Variants in TTC28 observed in about 807,000 individuals in gnomAD.
TTC28 encodes tetratricopeptide repeat protein 28.
Under a neutral mutation model 198.0 loss-of-function variants are expected in TTC28, and 61 were observed. The ratio of observed to expected loss-of-function variants is 0.31; its 90% confidence interval spans 0.25 to 0.38. The LOEUF is 0.38. Ranked by LOEUF, TTC28 falls within the 10% of genes least tolerant of loss-of-function variation. The pLI, the probability that TTC28 is intolerant of heterozygous loss-of-function variation, is 1.00. For synonymous variants in TTC28, 1,171 were observed against 1,297.8 expected (o/e 0.90, Z 2.10); for missense variants, 2,678 against 3,164.0 (o/e 0.85, Z 3.69).
chr22:28,243,174 CAAAAAAAAAAAAAAAA>C (rs754700795), intron 5 of TTC28, among the ~76,000 whole-genome samples: 2,018 of 68,328 alleles, frequency 0.03, 80 homozygotes, highest in African/African-American at 0.082. Context: ...CCCCTCTCTA[CAAAAAAAAAAAAAAAA>C]AAAAAAAAAA....
intron 12 of TTC28, among the ~76,000 whole-genome samples, chr22:28,077,012 C>T (rs1393642470): frequency 6.6e-6 from 1 of 152,146 alleles, no homozygotes; most frequent in East Asian, 1.9e-4. Flanking sequence ...TGTCATCCTG[C>T]AGGTAATGTT....
intron 2 of TTC28, among the ~76,000 whole-genome samples, chr22:28,424,463 T>C (rs1482822599): frequency 6.6e-6 from 1 of 152,206 alleles, no homozygotes; most frequent in Non-Finnish European, 1.5e-5. Flanking sequence ...GTATTATAAT[T>C]AAATATTAAT....
At chr22:28,263,192 A>T (rs1354618481) in intron 5 of TTC28, among the ~76,000 whole-genome samples, 2 of 152,184 alleles carry the variant, frequency 1.3e-5, no homozygotes, top group Non-Finnish European at 2.9e-5. Context: ...AATGACTAGC[A>T]TCTATTACAT....
chr22:28,574,433 C>A (rs1032144863), intron 2 of TTC28, among the ~76,000 whole-genome samples: 1 of 152,152 alleles, frequency 6.6e-6, no homozygotes, highest in Admixed American at 6.6e-5. Context: ...TGTTGATGAA[C>A]ATTTAGGTTG....
intron 12 of TTC28, among the ~76,000 whole-genome samples, chr22:28,074,752 C>CCT (rs1555911422): frequency 1.3e-5 from 2 of 152,166 alleles, no homozygotes; most frequent in African/African-American, 4.8e-5. Context: ...ATTATCCCCC[C>CCT]CCATGTACAA....
intron 5 of TTC28, among the ~76,000 whole-genome samples, chr22:28,200,161 G>T (rs113264025): frequency 4.6e-5 from 7 of 152,152 alleles, no homozygotes; most frequent in African/African-American, 1.2e-4. Context: ...TGATCATAGC[G>T]TACTACAGAC....
chr22:28,307,050 T>C (rs2045160890), intron 2 of TTC28, among the ~76,000 whole-genome samples: 1 of 152,170 alleles, frequency 6.6e-6, no homozygotes, highest in Non-Finnish European at 1.5e-5. Context: ...GAATTCTACT[T>C]ATTTTCTATT....
At chr22:28,509,494 G>C (rs1443684312) in intron 2 of TTC28, among the ~76,000 whole-genome samples, 1 of 152,180 alleles carries the variant, frequency 6.6e-6, no homozygotes, top group Non-Finnish European at 1.5e-5. Context: ...TGAGAACAAA[G>C]AGACAATGTA....
chr22:28,067,952 T>C (rs1940827506), intron 12 of TTC28, among the ~76,000 whole-genome samples: 1 of 152,192 alleles, frequency 6.6e-6, no homozygotes, highest in Non-Finnish European at 1.5e-5. Context: ...AAAAGTTGAG[T>C]AGACCAGTTT....
chr22:28,316,679 T>G (rs2045357385), intron 2 of TTC28, among the ~76,000 whole-genome samples: 1 of 152,216 alleles, frequency 6.6e-6, no homozygotes, highest in Non-Finnish European at 1.5e-5. Flanking sequence ...TACACTTACA[T>G]CTAAATAATT....
intron 2 of TTC28, among the ~76,000 whole-genome samples, chr22:28,532,345 A>G (rs533316619): frequency 6.6e-6 from 1 of 152,234 alleles, no homozygotes; most frequent in Non-Finnish European, 1.5e-5. Flanking sequence ...CACCCTCCCA[A>G]GACTAAACCA....
chr22:28,275,295 G>A (rs984368006), intron 5 of TTC28, among the ~76,000 whole-genome samples: 1 of 152,130 alleles, frequency 6.6e-6, no homozygotes, highest in Admixed American at 6.5e-5. Context: ...AGGAGAGAAG[G>A]CCCTTAAATT....
chr22:28,661,324 T>C (rs1356450370), intron 1 of TTC28, among the ~76,000 whole-genome samples: 1 of 152,226 alleles, frequency 6.6e-6, no homozygotes, highest in African/African-American at 2.4e-5. Flanking sequence ...TCATTTCATA[T>C]AATCCCTTCT....
chr22:28,287,546 G>C (rs1039260600), intron 5 of TTC28, among the ~76,000 whole-genome samples: 3 of 152,122 alleles, frequency 2.0e-5, no homozygotes, highest in Non-Finnish European at 2.9e-5. Flanking sequence ...GGAAAATGTT[G>C]CTAAGGAGTC....
At chr22:28,655,855 A>C (rs1014400778) in intron 1 of TTC28, among the ~76,000 whole-genome samples, 37 of 148,418 alleles carry the variant, frequency 2.5e-4, no homozygotes, top group African/African-American at 9.2e-4. Context: ...CGTCTCAAAA[A>C]AAAGAAAAAA....
At chr22:28,096,609 A>G (rs1028056089) in intron 10 of TTC28, among the ~76,000 whole-genome samples, 2 of 152,118 alleles carry the variant, frequency 1.3e-5, no homozygotes, top group Admixed American at 6.5e-5. Flanking sequence ...CTGATTCCAC[A>G]CTACCCTAAG....
chr22:28,337,629 T>G (rs891007215), intron 2 of TTC28, among the ~76,000 whole-genome samples: 4 of 152,256 alleles, frequency 2.6e-5, no homozygotes, highest in African/African-American at 9.6e-5. Context: ...TTTGTTGGTT[T>G]AAAGTCTGTT....
In TTC28 at chr22:28,603,763, C is replaced by T. The variant is rs564206055; in HGVS notation, c.381+25789G>A. ...TAACAGTCCTCTTGAAAACTGAAAACAGTATAATACTTCTGAAATATTAGT... is the reference window on the plus strand; with the variant it reads ...TAACAGTCCTCTTGAAAACTGAAAATAGTATAATACTTCTGAAATATTAGT... On this transcript the variant is annotated intron_variant, in intron 2 of 22. Transcript: ENST00000397906. Among the ~76,000 whole-genome samples, 26 of 151,872 alleles carry T rather than the reference C, an allele frequency of 1.7e-4. No homozygotes were observed. The South Asian group carries it at 5.4e-3, about 32-fold the overall frequency.
chr22:28,660,115 A>G (rs925443284), intron 1 of TTC28, among the ~76,000 whole-genome samples: 1 of 152,154 alleles, frequency 6.6e-6, no homozygotes, highest in Non-Finnish European at 1.5e-5. Context: ...TTTTTTTAAC[A>G]GCAAAAAAAT....
Sources: gnomAD v4.1 joint callset for allele counts (sites outside exome capture counted in the v4.1 genomes callset) on GRCh38, gnomAD v4.1.1 for gene constraint, MANE v1.5 for transcripts, NCBI Gene and HGNC (gene_info 2026-07-23, HGNC 2026-07-21) for gene names.